COBLL1: variants seen among roughly 807,000 people sequenced by gnomAD.
COBLL1 encodes cordon-bleu WH2 repeat protein like 1, also known as cordon-bleu protein-like 1.
COBLL1 carries 50 observed loss-of-function variants against 94.8 expected under a neutral mutation model. That is an observed-to-expected ratio of 0.53 (90% confidence interval 0.42 to 0.67). COBLL1 has a LOEUF of 0.67. Among genes scored for constraint, COBLL1 ranks in the 30% least tolerant of loss-of-function variants. The pLI, the probability that COBLL1 is intolerant of heterozygous loss-of-function variation, is 0.00. For synonymous variants in COBLL1, 448 were observed against 473.8 expected, an observed-to-expected ratio of 0.95 and a Z score of 0.71; for missense variants, 1,362 against 1,348.7, an observed-to-expected ratio of 1.01 and a Z score of -0.15.
At chr2:164,808,174 T>C (rs1350920735) in intron 2 of COBLL1, among the ~76,000 whole-genome samples, 2 of 152,208 alleles carry the variant, frequency 1.3e-5, no homozygotes, top group African/African-American at 2.4e-5. Flanking sequence ...GTACAATTCA[T>C]ATTTGTGTAA....
chr2:164,748,906 AT>A (rs1686998519), intron 2 of COBLL1, among the ~76,000 whole-genome samples: 2 of 152,198 alleles, frequency 1.3e-5, no homozygotes, highest in African/African-American at 4.8e-5. Flanking sequence ...AATAATGAGA[AT>A]TAAGGCAAAA....
chr2:164,734,088 C>T (rs1039832379), intron 3 of COBLL1, among the ~76,000 whole-genome samples: 1 of 152,052 alleles, frequency 6.6e-6, no homozygotes, highest in Non-Finnish European at 1.5e-5. Flanking sequence ...GCAATCTGTG[C>T]TTTGACAGGC....
At chr2:164,736,061 T>TAAA (rs1686290922) in intron 3 of COBLL1, among the ~76,000 whole-genome samples, 1 of 152,222 alleles carries the variant, frequency 6.6e-6, no homozygotes, top group African/African-American at 2.4e-5. Flanking sequence ...CTGATTTTTT[T>TAAA]TTAAGACTCT....
At chr2:164,796,387 G>A (rs1226974882) in intron 2 of COBLL1, among the ~76,000 whole-genome samples, 9 of 152,010 alleles carry the variant, frequency 5.9e-5, no homozygotes, top group Non-Finnish European at 1.2e-4. Context: ...AAAAAGTGAA[G>A]AGCATTAGCA....
At chr2:164,751,682 TC>T (rs1558980918) in intron 2 of COBLL1, among the ~76,000 whole-genome samples, 1 of 150,514 alleles carries the variant, frequency 6.6e-6, no homozygotes, top group African/African-American at 2.4e-5. Context: ...ACCCACCAAA[TC>T]CCCCCGCCAA....
At chr2:164,727,608 T>C (rs1685777328) in intron 5 of COBLL1, among the ~76,000 whole-genome samples, 1 of 151,294 alleles carries the variant, frequency 6.6e-6, no homozygotes, top group African/African-American at 2.4e-5. Flanking sequence ...CACACTTGAT[T>C]AGAATAACAA....
In COBLL1 at chr2:164,695,060, T is replaced by A. The variant is rs761930176; in HGVS notation, c.2332A>T (p.Ile778Phe). The A allele has an allele frequency of 3.7e-6, 6 of 1,613,858 alleles. No homozygotes were observed. The South Asian group carries it at 6.6e-5, about 18-fold the overall frequency. Reference protein sequence around the residue: ...HTHENVKETAIQTEDSAISES... With the variant: ...HTHENVKETAFQTEDSAISES... ...GAAATAGCAGAATCTTCTGTTTGGATGGCAGTTTCTTTCACATTCTCATGA... is the reference window on the plus strand; with the variant it reads ...GAAATAGCAGAATCTTCTGTTTGGAAGGCAGTTTCTTTCACATTCTCATGA... The change falls in exon 12 of 14, where the codon ATC becomes TTC. Residue 778 changes from isoleucine (I) to phenylalanine (F), a missense_variant. Ile to Phe is a conservative substitution (Grantham distance 21, BLOSUM62 0). Coordinates refer to ENST00000652658, the MANE Select transcript of COBLL1 (RefSeq NM_001365672.2).
chr2:164,780,724 A>T (rs556579638), intron 2 of COBLL1, among the ~76,000 whole-genome samples: 4 of 152,284 alleles, frequency 2.6e-5, no homozygotes, highest in Admixed American at 2.6e-4. Context: ...TGCCTTATTT[A>T]GAAACCAAAT....
At chr2:164,666,710 A>G (rs926404821) in intron 1 of COBLL1, among the ~76,000 whole-genome samples, 2 of 152,190 alleles carry the variant, frequency 1.3e-5, no homozygotes, top group African/African-American at 4.8e-5. Flanking sequence ...TTCCATCTCA[A>G]AAGAACACTT....
chr2:164,817,811 C>T (rs948384961), intron 2 of COBLL1, among the ~76,000 whole-genome samples: 4 of 152,132 alleles, frequency 2.6e-5, no homozygotes, highest in Middle Eastern at 3.2e-3. Context: ...TTATTACTGG[C>T]CTTGCCATAG....
At chr2:164,664,352 G>A (rs934941131) in intron 2 of COBLL1, among the ~76,000 whole-genome samples, 38 of 152,268 alleles carry the variant, frequency 2.5e-4, no homozygotes, top group Middle Eastern at 6.8e-3. Flanking sequence ...GATGTTAAAA[G>A]ACACAAATCA....
intron 2 of COBLL1, among the ~76,000 whole-genome samples, chr2:164,789,410 A>G (rs1436221685): frequency 6.6e-6 from 1 of 152,138 alleles, no homozygotes; most frequent in Admixed American, 6.6e-5. Context: ...CCTGTCTTAC[A>G]AGGCTGATAG....
chr2:164,709,967 C>T (rs987505632), intron 7 of COBLL1, among the ~76,000 whole-genome samples: 3 of 151,854 alleles, frequency 2.0e-5, no homozygotes, highest in African/African-American at 7.3e-5. Context: ...TAATGAAGGA[C>T]AGAAATGTAA....
chr2:164,841,229 C>A lies in COBLL1; in HGVS notation c.-33G>T. ...CGGGGCGCTGCGCGGGCTCCAGCTC[C>A]CAGGCGGCGCGTCACTGCTGGGGTG... is the stretch of plus-strand genomic sequence containing the variant. On this transcript the variant is annotated 5_prime_UTR_variant, in exon 2 of 14. Transcript: ENST00000652658. The surrounding 1 kb of genome is among the most constrained non-coding windows in gnomAD (Gnocchi z 5.5). 1 of 1,230,468 alleles carries A rather than the reference C, an allele frequency of 8.1e-7. No homozygotes were observed. Among genetic ancestry groups the A allele is most frequent in the Non-Finnish European group, 1.0e-6 (1 of 987,982 alleles). 76.2% of individuals were successfully genotyped at this position (1,230,468 alleles called of 1,614,324 possible). A position where few individuals can be genotyped will look rare whatever the true frequency, so the allele number is the denominator to read the frequency against.
intron 2 of COBLL1, among the ~76,000 whole-genome samples, chr2:164,811,192 T>A (rs996299324): frequency 6.6e-6 from 1 of 151,930 alleles, no homozygotes; most frequent in Non-Finnish European, 1.5e-5. Flanking sequence ...ATGTTTCTTC[T>A]CATGATTTTA....
chr2:164,811,665 C>A (rs1279166280), intron 2 of COBLL1, among the ~76,000 whole-genome samples: 1 of 151,706 alleles, frequency 6.6e-6, no homozygotes, highest in Non-Finnish European at 1.5e-5. Context: ...TTTTTCAAAC[C>A]CCTATCTGAA....
At chr2:164,663,231 A>G (rs535435579) in intron 2 of COBLL1, among the ~76,000 whole-genome samples, 1 of 152,352 alleles carries the variant, frequency 6.6e-6, no homozygotes, top group African/African-American at 2.4e-5. Context: ...AAATAAAGGT[A>G]GCTATAGCTA....
intron 10 of COBLL1, among the ~76,000 whole-genome samples, chr2:164,700,214 T>C (rs888670032): frequency 6.6e-6 from 1 of 152,118 alleles, no homozygotes; most frequent in Admixed American, 6.6e-5. Flanking sequence ...AAATATTACA[T>C]ATAGGTCACA....
At chr2:164,716,639 GA>G (rs1368223717) in intron 7 of COBLL1, among the ~76,000 whole-genome samples, 1 of 152,154 alleles carries the variant, frequency 6.6e-6, no homozygotes, top group African/African-American at 2.4e-5. Context: ...AATATTCTAA[GA>G]AAGCTTGGGT....
Sources: allele counts gnomAD v4.1 joint callset (sites outside exome capture counted in the v4.1 genomes callset), GRCh38; gene constraint gnomAD v4.1.1; non-coding constraint Gnocchi (gnomAD v3.1); transcripts MANE v1.5; gene names NCBI Gene and HGNC (gene_info 2026-07-23, HGNC 2026-07-21).